The following ADAMTS12 variants were observed in gnomAD, a reference collection of about 807,000 sequenced individuals.
ADAMTS12 encodes the protein ADAM metallopeptidase with thrombospondin type 1 motif 12.
In ADAMTS12, 118 loss-of-function variants were observed where a neutral mutation model predicts 167.8. The observed-to-expected ratio is 0.70, with a 90% CI of 0.61 to 0.82. ADAMTS12 has a LOEUF of 0.82. Ranked by LOEUF, ADAMTS12 falls within the 40% of genes least tolerant of loss-of-function variation. The pLI is 0.00. For missense variants in ADAMTS12, 1,916 were observed against 1,998.8 expected (o/e 0.96, Z 0.79); for synonymous variants, 704 against 716.9 (o/e 0.98, Z 0.29).
chr5:33,528,203 T>C (rs1415490953), intron 23 of ADAMTS12, among the ~76,000 whole-genome samples: 1 of 152,076 alleles, frequency 6.6e-6, no homozygotes, highest in Non-Finnish European at 1.5e-5. Flanking sequence ...TTCTCATTTA[T>C]AAGTGGGAGC....
At chr5:33,606,934 C>G (rs943850795) in intron 16 of ADAMTS12, among the ~76,000 whole-genome samples, 1 of 152,106 alleles carries the variant, frequency 6.6e-6, no homozygotes, top group Non-Finnish European at 1.5e-5. Flanking sequence ...TAAGCTTTGT[C>G]AAAGGAATGC....
intron 23 of ADAMTS12, among the ~76,000 whole-genome samples, chr5:33,528,467 G>T (rs1048620254): frequency 6.6e-6 from 1 of 152,208 alleles, no homozygotes; most frequent in Non-Finnish European, 1.5e-5. Flanking sequence ...TTTTAAACCC[G>T]AGTGTCGGGG....
At chr5:33,824,039 A>G (rs1182793103) in intron 2 of ADAMTS12, among the ~76,000 whole-genome samples, 1 of 152,208 alleles carries the variant, frequency 6.6e-6, no homozygotes, top group Non-Finnish European at 1.5e-5. Flanking sequence ...CTTGTTGAAA[A>G]AGAAAAAAGT....
chr5:33,552,856 T>C (rs1026111598), intron 20 of ADAMTS12, among the ~76,000 whole-genome samples: 14 of 152,286 alleles, frequency 9.2e-5, no homozygotes, highest in Admixed American at 4.6e-4. Context: ...AATTGACAAA[T>C]GGGATCTATT....
intron 3 of ADAMTS12, among the ~76,000 whole-genome samples, chr5:33,729,579 A>G (rs1744105876): frequency 1.3e-5 from 2 of 152,228 alleles, no homozygotes; most frequent in Admixed American, 6.5e-5. Flanking sequence ...TTGCTTTAAC[A>G]ACACATAATT....
intron 2 of ADAMTS12, among the ~76,000 whole-genome samples, chr5:33,867,342 A>G (rs1749860903): frequency 6.6e-6 from 1 of 152,222 alleles, no homozygotes; most frequent in Admixed American, 6.5e-5. Flanking sequence ...CATTATTCTA[A>G]GTGAAGTAAC....
At chr5:33,863,358 G>C (rs1387676207) in intron 2 of ADAMTS12, among the ~76,000 whole-genome samples, 4 of 152,086 alleles carry the variant, frequency 2.6e-5, no homozygotes, top group Non-Finnish European at 5.9e-5. Flanking sequence ...CAGGTTACAA[G>C]ATCAATGTGC....
chr5:33,642,575 G>GA (rs1464592262), intron 10 of ADAMTS12, among the ~76,000 whole-genome samples: 4 of 152,028 alleles, frequency 2.6e-5, no homozygotes, highest in Admixed American at 2.0e-4. Flanking sequence ...AAGCAACTAA[G>GA]AAAAAATCCA....
intron 2 of ADAMTS12, among the ~76,000 whole-genome samples, chr5:33,863,551 A>G (rs1749701377): frequency 2.0e-5 from 3 of 152,072 alleles, no homozygotes; most frequent in Non-Finnish European, 4.4e-5. Context: ...GAGGACACAA[A>G]CAATAACACA....
intron 2 of ADAMTS12, among the ~76,000 whole-genome samples, chr5:33,788,722 T>G (rs547306070): frequency 6.6e-6 from 1 of 152,294 alleles, no homozygotes; most frequent in South Asian, 2.1e-4. Context: ...CAGGAGGAAG[T>G]GGCTTTCACC....
chr5:33,614,334 T>G lies in ADAMTS12; in HGVS notation c.2431A>C (p.Thr811Pro). ...TTGTCAAGGCCATCTTTCTGGATTG[T>G]GTACTCATACTTGATGCCAGGGTTA... ...VTNPGIKYEYTIQKDGLDNDV... is the reference protein window; with the variant it reads ...VTNPGIKYEYPIQKDGLDNDV... The change falls in exon 16 of 24, where the codon ACA (threonine) becomes CCA (proline). Residue 811 changes from threonine to proline, a missense_variant. Coordinates refer to ENST00000504830, the MANE Select transcript of ADAMTS12 (RefSeq NM_030955.4). 5 of 1,614,118 alleles carry G rather than the reference T, an allele frequency of 3.1e-6. No homozygotes were observed. The highest frequency in any genetic ancestry group is 4.2e-6 in the Non-Finnish European group (5 of 1,179,990).
At chr5:33,615,366 G>A (rs1738947434) in intron 15 of ADAMTS12, among the ~76,000 whole-genome samples, 1 of 152,082 alleles carries the variant, frequency 6.6e-6, no homozygotes, top group Admixed American at 6.5e-5. Context: ...CTACAGTTCT[G>A]TGCCCAATAT....
At chr5:33,666,617 C>T (rs1050936638) in intron 5 of ADAMTS12, among the ~76,000 whole-genome samples, 9 of 152,098 alleles carry the variant, frequency 5.9e-5, no homozygotes, top group African/African-American at 1.9e-4. Flanking sequence ...CTCAGCCTCC[C>T]TAGTAGCTGA....
chr5:33,838,156 A>G (rs1579979887), intron 2 of ADAMTS12, among the ~76,000 whole-genome samples: 1 of 152,216 alleles, frequency 6.6e-6, no homozygotes, highest in Admixed American at 6.5e-5. Flanking sequence ...AGGTTGAGCA[A>G]TGACTATGCA....
At chr5:33,728,654 G>A (rs895221934) in intron 3 of ADAMTS12, among the ~76,000 whole-genome samples, 7 of 152,148 alleles carry the variant, frequency 4.6e-5, no homozygotes, top group East Asian at 3.9e-4. Flanking sequence ...GCGACCACCA[G>A]CCTCTTCCAC....
At chr5:33,786,908 G>A (rs1414896586) in intron 2 of ADAMTS12, among the ~76,000 whole-genome samples, 1 of 152,164 alleles carries the variant, frequency 6.6e-6, no homozygotes, top group East Asian at 1.9e-4. Context: ...TGCCTTTGGT[G>A]GGGATTCTGG....
Position 33,856,422 on chromosome 5 carries a change from C to T in ADAMTS12, c.489+24697G>A, listed in dbSNP as rs116213943. ...CATATTTGTGCAAATTGCAAGAAGT[C>T]ATGCAGGGAAGGCAGGTGAAATTGT... is the stretch of plus-strand genomic sequence containing the variant. On this transcript the variant is annotated intron_variant, in intron 2 of 23. Transcript: ENST00000504830. Among the ~76,000 whole-genome samples the T allele has an allele frequency of 2.0e-3, 303 of 152,178 alleles. 3 individuals are homozygous for T. The highest frequency in any genetic ancestry group is 6.8e-3 in the Middle Eastern group (2 of 294).
chr5:33,757,252 C>T (rs541050998), intron 2 of ADAMTS12, among the ~76,000 whole-genome samples: 4 of 152,166 alleles, frequency 2.6e-5, no homozygotes, highest in Non-Finnish European at 5.9e-5. Flanking sequence ...TGGGAACACC[C>T]GTGCACTGCA....
At chr5:33,891,274 G>A (rs570246833) in intron 1 of ADAMTS12, among the ~76,000 whole-genome samples, 7 of 152,272 alleles carry the variant, frequency 4.6e-5, no homozygotes, top group African/African-American at 1.7e-4. Flanking sequence ...AGCCTGCTCA[G>A]TAGGGGGGAA....
Sources: allele counts gnomAD v4.1 joint callset (sites outside exome capture counted in the v4.1 genomes callset), GRCh38; gene constraint gnomAD v4.1.1; transcripts MANE v1.5; gene names NCBI Gene and HGNC (gene_info 2026-07-23, HGNC 2026-07-21).